The following SORCS2 variants were observed in gnomAD, a reference collection of about 807,000 sequenced individuals.
SORCS2 encodes the protein sortilin related VPS10 domain containing receptor 2.
In SORCS2, 100 loss-of-function variants were observed where a neutral mutation model predicts 141.6. The observed-to-expected ratio is 0.71, with a 90% confidence interval of 0.60 to 0.83. SORCS2 has a LOEUF of 0.83. Among genes scored for constraint, SORCS2 ranks in the 40% least tolerant of loss-of-function variants. SORCS2 has a pLI of 0.00. For synonymous variants in SORCS2, 789 were observed against 676.9 expected, an observed-to-expected ratio of 1.17 and a Z score of -2.57; for missense variants, 1,646 against 1,560.2, an observed-to-expected ratio of 1.05 and a Z score of -0.93.
chr4:7,558,804 T>C (rs1009005366), intron 3 of SORCS2, among the ~76,000 whole-genome samples: 5 of 152,128 alleles, frequency 3.3e-5, no homozygotes, highest in African/African-American at 7.2e-5. Flanking sequence ...GGGCTGTCCC[T>C]GGCCCCGCCT....
rs1360966780 is a variant in SORCS2 at position 7,648,003 on chromosome 4, G to C, written c.814-6131G>C. On this transcript the variant is annotated intron_variant, in intron 4 of 26. Transcript: ENST00000507866. The surrounding 1 kb of genome is among the most constrained non-coding windows in gnomAD (Gnocchi z 4.2). ...CTCATCGCTGAAGTTTCCGAGATGGGAGACTAGGGGAGGCAGGAGCAGCCG... is the reference window on the plus strand; with the variant it reads ...CTCATCGCTGAAGTTTCCGAGATGGCAGACTAGGGGAGGCAGGAGCAGCCG... 1.3e-5 allele frequency among the ~76,000 whole-genome samples: 2 copies of C among 152,234 alleles called. No homozygotes were observed.
At chr4:7,547,754 G>C (rs1476733509) in intron 3 of SORCS2, among the ~76,000 whole-genome samples, 1 of 152,216 alleles carries the variant, frequency 6.6e-6, no homozygotes, top group African/African-American at 2.4e-5. Flanking sequence ...GCATGTGCCT[G>C]TCTGGGGCTC....
intron 2 of SORCS2, among the ~76,000 whole-genome samples, chr4:7,398,724 G>A (rs950947160): frequency 6.6e-6 from 1 of 152,214 alleles, no homozygotes; most frequent in Non-Finnish European, 1.5e-5. Flanking sequence ...TGTAGTGACA[G>A]GGTCTGCGTC....
At chr4:7,724,129 G>GGTGGTGGTGGTGATA (rs1726810524) in intron 19 of SORCS2, among the ~76,000 whole-genome samples, 1 of 140,684 alleles carries the variant, frequency 7.1e-6, no homozygotes, top group African/African-American at 2.9e-5. Context: ...TGGTGGTGGT[G>GGTGGTGGTGGTGATA]GTGGTGGTGG....
At chr4:7,429,621 C>T (rs946474142) in intron 2 of SORCS2, among the ~76,000 whole-genome samples, 3 of 152,290 alleles carry the variant, frequency 2.0e-5, no homozygotes, top group South Asian at 2.1e-4. Context: ...GTGCATGCAC[C>T]CGGCGGGCCC....
intron 1 of SORCS2, among the ~76,000 whole-genome samples, chr4:7,361,784 G>A (rs546429558): frequency 5.9e-5 from 9 of 151,734 alleles, no homozygotes; most frequent in South Asian, 2.1e-4. Flanking sequence ...AAAACACAAC[G>A]AACGCAGGTG....
chr4:7,211,339 G>T (rs1389496017), intron 1 of SORCS2, among the ~76,000 whole-genome samples: 1 of 152,114 alleles, frequency 6.6e-6, no homozygotes, highest in East Asian at 1.9e-4. Flanking sequence ...AGGCCATGGC[G>T]CTGGGACGGT....
rs1328124500 is a variant in SORCS2 at position 7,741,228 on chromosome 4, G to A, written c.*964G>A. 2.0e-5 allele frequency: 8 copies of A among 398,742 alleles called. No individual in the cohort carries two copies. Among genetic ancestry groups the A allele is most frequent in the East Asian group, 1.4e-4 (4 of 28,080 alleles). The allele number at this position is 398,742 out of a possible 1,614,324, so 24.7% of individuals were successfully genotyped here. On this transcript the variant is annotated 3_prime_UTR_variant, in exon 27 of 27. Transcript: ENST00000507866. ...AGGGAACCGGGTGGAAACCAAGCTGGGAGAGGCTGAGGATGGCAGGGCTGG... is the reference window on the plus strand; with the variant it reads ...AGGGAACCGGGTGGAAACCAAGCTGAGAGAGGCTGAGGATGGCAGGGCTGG...
At chr4:7,249,530 G>T (rs957836071) in intron 1 of SORCS2, among the ~76,000 whole-genome samples, 1 of 152,204 alleles carries the variant, frequency 6.6e-6, no homozygotes, top group Non-Finnish European at 1.5e-5. Flanking sequence ...CAGAGAATTT[G>T]TGGCCATCCT....
At chr4:7,329,353 A>C (rs1719495302) in intron 1 of SORCS2, among the ~76,000 whole-genome samples, 1 of 152,162 alleles carries the variant, frequency 6.6e-6, no homozygotes, top group East Asian at 1.9e-4. Flanking sequence ...AGGCAGAGCA[A>C]ACGTCGTAAA....
At chr4:7,250,681 G>A (rs1267158438) in intron 1 of SORCS2, among the ~76,000 whole-genome samples, 1 of 152,242 alleles carries the variant, frequency 6.6e-6, no homozygotes, top group Non-Finnish European at 1.5e-5. Context: ...CATGTATTCG[G>A]GGAGTGCGAG....
chr4:7,201,769 C>T lies in SORCS2; in HGVS notation c.480+8643C>T, dbSNP rs891400281. Among the ~76,000 whole-genome samples, 5 of 152,092 alleles carry T rather than the reference C, an allele frequency of 3.3e-5. No homozygotes were observed. The highest frequency in any genetic ancestry group is 1.2e-4 in the African/African-American group (5 of 41,420). On this transcript the variant is annotated intron_variant, in intron 1 of 26. Coordinates refer to ENST00000507866, the MANE Select transcript of SORCS2 (RefSeq NM_020777.3). The surrounding 1 kb of genome is among the most constrained non-coding windows in gnomAD (Gnocchi z 4.4). Reference sequence around the variant, plus strand: ...CTTTGTCCTCGCCCCTCCTTAGTCGCTAGTTTGGGTGGGTGCTCTGTGGAT... The same window carrying T: ...CTTTGTCCTCGCCCCTCCTTAGTCGTTAGTTTGGGTGGGTGCTCTGTGGAT...
rs1024372795 is a variant in SORCS2 at position 7,477,731 on chromosome 4, A to C, written c.549-53799A>C. Among the ~76,000 whole-genome samples the C allele has an allele frequency of 4.6e-5, 7 of 152,330 alleles. No homozygotes were observed. In the South Asian group the frequency reaches 1.4e-3, roughly 32 times the overall value. On this transcript the variant is annotated intron_variant, in intron 2 of 26. Coordinates refer to ENST00000507866, the MANE Select transcript of SORCS2 (RefSeq NM_020777.3). ...TTTCCTGTCCCACTGCATGGAGCCC[A>C]GTGAAGCCGGAGAGAAAATGTGTGT... is the stretch of plus-strand genomic sequence containing the variant.
rs763618934 is a variant in SORCS2, at chr4:7,434,459, C to G, written c.548+38104C>G. ...GTGGCCAGGTGCCTCTGCAGCGGCTCACAGAGGCTGAGCGCTGTGCACACC... is the reference window on the plus strand; with the variant it reads ...GTGGCCAGGTGCCTCTGCAGCGGCTGACAGAGGCTGAGCGCTGTGCACACC... On this transcript the variant is annotated intron_variant, in intron 2 of 26. Transcript: ENST00000507866. 1.9e-5 allele frequency: 30 copies of G among 1,611,012 alleles called. No individual in the cohort carries two copies. The African/African-American group carries it at 3.9e-4, about 21-fold the overall frequency.
chr4:7,265,022 G>A (rs568149215), intron 1 of SORCS2, among the ~76,000 whole-genome samples: 35 of 152,346 alleles, frequency 2.3e-4, no homozygotes, highest in East Asian at 9.7e-4. Flanking sequence ...CTTCTATGCC[G>A]CCCTGGCGCC....
chr4:7,688,417 T>C (rs1724007173), intron 10 of SORCS2, among the ~76,000 whole-genome samples: 1 of 152,156 alleles, frequency 6.6e-6, no homozygotes, highest in South Asian at 2.1e-4. Flanking sequence ...CAGAAAAAAG[T>C]AATTTTAAGG....
chr4:7,730,522 G>A (rs1319572821), intron 23 of SORCS2, among the ~76,000 whole-genome samples: 1 of 152,202 alleles, frequency 6.6e-6, no homozygotes, highest in Non-Finnish European at 1.5e-5. Context: ...ACAAATTGTG[G>A]TCCAACCTTA....
chr4:7,728,047 G>A lies in SORCS2; in HGVS notation c.2870-303G>A, dbSNP rs144580789. Reference sequence around the variant, plus strand: ...CACTAGGCCTCCCTCCTGGGTCAGCGCATCTTTATCATCATCACTGGCATC... The same window carrying A: ...CACTAGGCCTCCCTCCTGGGTCAGCACATCTTTATCATCATCACTGGCATC... On this transcript the variant is annotated intron_variant, in intron 21 of 26. Transcript: ENST00000507866. Among the ~76,000 whole-genome samples the A allele has an allele frequency of 3.4e-3, 512 of 152,304 alleles. 3 individuals are homozygous for A. Among genetic ancestry groups the A allele is most frequent in the Middle Eastern group, 0.02 (6 of 294 alleles).
At position 7,192,701 on chromosome 4, in the gene SORCS2, G is replaced by A; in HGVS notation, c.55G>A (p.Ala19Thr). Residue 19 changes from alanine to threonine, a missense_variant, in exon 1 of 27, where the codon GCC becomes ACC. Transcript: ENST00000507866. This position sits in a 1 kb window ranked among gnomAD's most constrained non-coding sequence, Gnocchi z 4.0. ...ASKGPGPTARAPSPGAPPPPR... is the reference protein window; with the variant it reads ...ASKGPGPTARTPSPGAPPPPR... ...GAAGGGCCCCGGCCCCACCGCCCGA[G>A]CCCCGAGCCCCGGGGCTCCGCCGCC... The A allele has an allele frequency of 5.1e-6, 5 of 989,214 alleles. No homozygotes were observed. In the South Asian group the frequency reaches 2.3e-4, roughly 45 times the overall value. The allele number at this position is 989,214 out of a possible 1,614,324, so 61.3% of individuals were successfully genotyped here.
Sources: allele counts gnomAD v4.1 joint callset (sites outside exome capture counted in the v4.1 genomes callset), GRCh38; gene constraint gnomAD v4.1.1; non-coding constraint Gnocchi (gnomAD v3.1); transcripts MANE v1.5; gene names NCBI Gene and HGNC (gene_info 2026-07-23, HGNC 2026-07-21).